Variants in ELOF1 observed in about 807,000 individuals in gnomAD.
The protein encoded by ELOF1 is elongation factor 1, also known as transcription elongation factor 1 homolog.
Under a neutral mutation model 7.1 loss-of-function variants are expected in ELOF1, and 4 were observed. The observed-to-expected ratio is 0.56, with a 90% CI of 0.28 to 1.29. The LOEUF is 1.29. ELOF1 is among the 50% of genes most tolerant of loss of function. ELOF1 has a pLI of 0.10. For missense variants in ELOF1, 59 were observed against 86.3 expected, an observed-to-expected ratio of 0.68 and a Z score of 1.25; for synonymous variants, 31 against 31.9, an observed-to-expected ratio of 0.97 and a Z score of 0.09.
At position 11,553,544 on chromosome 19, in the gene ELOF1, CCACACT is replaced by C. The variant is rs1972764885; in HGVS notation, c.187+461_187+466del. ...CAGTGACACGTGCAGCCACACACAC[CCACACT>C]CACTCACACCCACACCCACACGCAC... On this transcript the variant is annotated intron_variant, in intron 3 of 3. Transcript: ENST00000586683. The C allele has an allele frequency of 7.7e-6, 5 of 651,936 alleles. No individual in the cohort carries two copies. In the African/African-American group the frequency reaches 9.5e-5, roughly 12 times the overall value. 40.4% of individuals were successfully genotyped at this position (651,936 alleles called of 1,614,324 possible).
intron 1 of ELOF1, among the ~76,000 whole-genome samples, chr19:11,558,442 A>G (rs534412078): frequency 2.0e-4 from 31 of 151,836 alleles, no homozygotes; most frequent in African/African-American, 7.0e-4. Flanking sequence ...AAATCACTCA[A>G]TCAGTTTGCT....
chr19:11,554,559 C>T (rs1018209668), intron 1 of ELOF1, 194 bp from the exon 2 acceptor site: 15 of 756,436 alleles, frequency 2.0e-5, no homozygotes, highest in East Asian at 1.1e-4. Context: ...AGGGGTGAGA[C>T]GAGGCTCTAA....
At chr19:11,558,301 A>C (rs1972862569) in intron 1 of ELOF1, among the ~76,000 whole-genome samples, 1 of 152,090 alleles carries the variant, frequency 6.6e-6, no homozygotes, top group Non-Finnish European at 1.5e-5. Context: ...TTTTTTGTAG[A>C]GACAGGGACC....
intron 3 of ELOF1, chr19:11,553,632 C>T (rs1405376153): frequency 1.7e-5 from 16 of 931,554 alleles, no homozygotes; most frequent in Non-Finnish European, 2.3e-5. Flanking sequence ...CACACACACA[C>T]GGCTGTGACA....
intron 1 of ELOF1, among the ~76,000 whole-genome samples, chr19:11,556,606 C>T (rs1374299788): frequency 2.0e-5 from 3 of 152,140 alleles, no homozygotes; most frequent in Non-Finnish European, 4.4e-5. Flanking sequence ...GCCAACACCC[C>T]CAACTCTTAA....
At chr19:11,553,258 G>A (rs1216511940) in intron 3 of ELOF1, 2 of 396,714 alleles carry the variant, frequency 5.0e-6, no homozygotes, top group African/African-American at 4.1e-5. Flanking sequence ...AGGAGAGCGG[G>A]AAGTCCAGTT....
chr19:11,556,559 A>G (rs1235984406), intron 1 of ELOF1, among the ~76,000 whole-genome samples: 1 of 152,140 alleles, frequency 6.6e-6, no homozygotes, highest in Non-Finnish European at 1.5e-5. Flanking sequence ...TCGGCCTCCC[A>G]AAGTGCTGGG....
intron 1 of ELOF1, among the ~76,000 whole-genome samples, chr19:11,556,110 C>T (rs1309577028): frequency 1.3e-5 from 2 of 152,038 alleles, no homozygotes; most frequent in Admixed American, 1.3e-4. Flanking sequence ...CTGCGAGGCA[C>T]GGTGCTCAGG....
At chr19:11,553,381 A>G in intron 3 of ELOF1, 1 of 455,952 alleles carries the variant, frequency 2.2e-6, no homozygotes, top group Non-Finnish European at 3.9e-6. Flanking sequence ...GGGGGGAGCC[A>G]GAGCCCCAAG....
At chr19:11,556,101 T>A (rs145115454) in intron 1 of ELOF1, among the ~76,000 whole-genome samples, 1 of 152,076 alleles carries the variant, frequency 6.6e-6, no homozygotes, top group African/African-American at 2.4e-5. Context: ...CCAACTCCCC[T>A]GCGAGGCACG....
chr19:11,555,943 G>A (rs1021478572), intron 1 of ELOF1, among the ~76,000 whole-genome samples: 7 of 152,056 alleles, frequency 4.6e-5, no homozygotes, highest in African/African-American at 1.7e-4. Context: ...AGTGGCTAGA[G>A]GGACAAGGTG....
At chr19:11,558,042 T>A (rs1009738218) in intron 1 of ELOF1, among the ~76,000 whole-genome samples, 4 of 152,168 alleles carry the variant, frequency 2.6e-5, no homozygotes, top group African/African-American at 9.7e-5. Flanking sequence ...CACCTCCACC[T>A]GATGTCTAAC....
chr19:11,556,860 T>C (rs546347232), intron 1 of ELOF1, among the ~76,000 whole-genome samples: 83 of 152,316 alleles, frequency 5.4e-4, no homozygotes, highest in Non-Finnish European at 1.0e-3. Flanking sequence ...ATGCCTCCTT[T>C]ACTATGGAAG....
intron 3 of ELOF1, chr19:11,553,370 C>A: frequency 2.2e-6 from 1 of 455,086 alleles, no homozygotes; most frequent in Non-Finnish European, 3.9e-6. Context: ...CCAATTCCGC[C>A]GGGGGGAGCC....
At chr19:11,553,626 CACACACG>C in intron 3 of ELOF1, 1 of 886,932 alleles carries the variant, frequency 1.1e-6, no homozygotes, top group Non-Finnish European at 1.7e-6. Flanking sequence ...CACACACACA[CACACACG>C]GCTGTGACAG....
rs548002884 is a variant in ELOF1, at chr19:11,554,047, T to C, written c.151A>G (p.Thr51Ala). Residue 51 changes from threonine (T) to alanine (A), a missense_variant, in exon 3 of 4, where the codon ACC becomes GCC. Transcript: ENST00000586683. ...GTCTGGAATTCCTCTAGGCACACGG[T>C]ACAAGAGATGACTCCGGTGTTGCGG... 3.1e-6 allele frequency: 5 copies of C among 1,614,126 alleles called. No homozygotes were observed. The South Asian group carries it at 3.3e-5, about 11-fold the overall frequency.
chr19:11,554,074 C>T (rs1230010558), exon 3 of ELOF1: 1 of 1,614,198 alleles, frequency 6.2e-7, no homozygotes, highest in South Asian at 1.1e-5. Flanking sequence ...GTGTTGCGGG[C>T]ACGGTCCCTG....
chr19:11,557,901 T>G (rs1474549164), intron 1 of ELOF1, among the ~76,000 whole-genome samples: 2 of 152,080 alleles, frequency 1.3e-5, no homozygotes, highest in African/African-American at 4.8e-5. Flanking sequence ...TTGGATCCTC[T>G]CCTTTCTGGC....
intron 1 of ELOF1, among the ~76,000 whole-genome samples, chr19:11,557,952 C>T (rs1286167118): frequency 1.3e-5 from 2 of 152,174 alleles, no homozygotes; most frequent in Admixed American, 1.3e-4. Context: ...CTTAGGGCTT[C>T]ATGCCTACTC....
Sources: gnomAD v4.1 joint callset for allele counts (sites outside exome capture counted in the v4.1 genomes callset) on GRCh38, gnomAD v4.1.1 for gene constraint, MANE v1.5 for transcripts, NCBI Gene and HGNC (gene_info 2026-07-23, HGNC 2026-07-21) for gene names.